UBE2E2: variants seen among roughly 807,000 people sequenced by gnomAD.
The protein encoded by UBE2E2 is ubiquitin conjugating enzyme E2 E2, also known as ubiquitin-conjugating enzyme E2 E2.
A neutral mutation model predicts 24.7 loss-of-function variants in UBE2E2; 6 were observed. The ratio of observed to expected loss-of-function variants is 0.24; its 90% CI spans 0.13 to 0.48. The LOEUF (loss-of-function observed/expected upper bound fraction) is 0.48, where lower values mean the gene tolerates loss of function less well. Ranked by LOEUF, UBE2E2 falls within the 20% of genes least tolerant of loss-of-function variation. The pLI, the probability that UBE2E2 is intolerant of heterozygous loss-of-function variation, is 0.99. For missense variants in UBE2E2, 169 were observed against 245.0 expected (o/e 0.69, Z 2.07); for synonymous variants, 104 against 83.6 (o/e 1.24, Z -1.33).
intron 5 of UBE2E2, among the ~76,000 whole-genome samples, chr3:23,551,181 A>G (rs1018405095): frequency 4.6e-5 from 7 of 152,208 alleles, no homozygotes; most frequent in Admixed American, 1.3e-4. Context: ...ACATTCCATA[A>G]AATATTACCA....
intron 5 of UBE2E2, among the ~76,000 whole-genome samples, chr3:23,574,455 C>T (rs1326349683): frequency 6.6e-6 from 1 of 152,146 alleles, no homozygotes; most frequent in Non-Finnish European, 1.5e-5. Context: ...GATTGTTATA[C>T]ATTGCATTCC....
chr3:23,550,575 G>C (rs943015758), intron 5 of UBE2E2, among the ~76,000 whole-genome samples: 2 of 152,210 alleles, frequency 1.3e-5, no homozygotes, highest in East Asian at 1.9e-4. Flanking sequence ...TAAGATGGGA[G>C]TGAAACTCAA....
chr3:23,378,714 AGT>A (rs1009316204), intron 3 of UBE2E2, among the ~76,000 whole-genome samples: 1 of 152,186 alleles, frequency 6.6e-6, no homozygotes, highest in African/African-American at 2.4e-5. Context: ...TTTTTTAAAA[AGT>A]GTGTTGATTT....
chr3:23,351,911 C>T (rs1340147956), intron 3 of UBE2E2, among the ~76,000 whole-genome samples: 7 of 152,154 alleles, frequency 4.6e-5, no homozygotes, highest in Non-Finnish European at 2.9e-5. Flanking sequence ...GCTCTCCACC[C>T]CAAATCAACA....
chr3:23,295,264 T>C (rs1698879341), intron 3 of UBE2E2, among the ~76,000 whole-genome samples: 1 of 152,238 alleles, frequency 6.6e-6, no homozygotes, highest in Admixed American at 6.5e-5. Flanking sequence ...TTTTCTCCAC[T>C]GCTCTCTGAT....
At chr3:23,284,610 G>C (rs896868655) in intron 3 of UBE2E2, among the ~76,000 whole-genome samples, 4 of 151,896 alleles carry the variant, frequency 2.6e-5, no homozygotes, top group Admixed American at 1.3e-4. Flanking sequence ...TGAGGTGGGG[G>C]ATGATACCTT....
chr3:23,573,114 G>A (rs1461378721), intron 5 of UBE2E2, among the ~76,000 whole-genome samples: 1 of 152,148 alleles, frequency 6.6e-6, no homozygotes, highest in East Asian at 1.9e-4. Flanking sequence ...TAAAGCTATA[G>A]TGATACAAAT....
In UBE2E2 at chr3:23,407,078, A is replaced by T. The variant is rs1697372726; in HGVS notation, c.228-92530A>T. On this transcript the variant is annotated intron_variant, in intron 3 of 5. Transcript: ENST00000396703. The surrounding 1 kb of genome is among the most constrained non-coding windows in gnomAD (Gnocchi z 4.0). ...TTCCCCAGTTCCCCAAGTATTTTGGAGACAAATTTTTCTTCAGCTTCACAT... is the reference window on the plus strand; with the variant it reads ...TTCCCCAGTTCCCCAAGTATTTTGGTGACAAATTTTTCTTCAGCTTCACAT... Among the ~76,000 whole-genome samples the T allele has an allele frequency of 6.6e-6, 1 of 152,226 alleles. No homozygotes were observed. Among genetic ancestry groups the T allele is most frequent in the Admixed American group, 6.5e-5 (1 of 15,290 alleles).
intron 3 of UBE2E2, among the ~76,000 whole-genome samples, chr3:23,235,929 C>T (rs1368660399): frequency 6.6e-6 from 1 of 152,050 alleles, no homozygotes; most frequent in African/African-American, 2.4e-5. Context: ...GTTTGGAGCT[C>T]AGTGGAGAGC....
At chr3:23,344,601 G>A (rs1466971753) in intron 3 of UBE2E2, among the ~76,000 whole-genome samples, 2 of 152,020 alleles carry the variant, frequency 1.3e-5, no homozygotes, top group African/African-American at 4.8e-5. Context: ...AAGTACTGAT[G>A]TTAATGAGAG....
chr3:23,271,718 A>G (rs1238098499), intron 3 of UBE2E2, among the ~76,000 whole-genome samples: 2 of 152,088 alleles, frequency 1.3e-5, no homozygotes, highest in East Asian at 1.9e-4. Context: ...TTAACTAGAC[A>G]CAGAGCACTG....
Position 23,226,478 on chromosome 3 carries a change from T to A in UBE2E2, c.227+9166T>A, listed in dbSNP as rs150193277. Among the ~76,000 whole-genome samples the A allele has an allele frequency of 3.0e-3, 452 of 150,450 alleles. 3 individuals are homozygous for A. The highest frequency in any genetic ancestry group is 0.011 in the African/African-American group (442 of 40,994). On this transcript the variant is annotated intron_variant, in intron 3 of 5. Coordinates refer to ENST00000396703, the MANE Select transcript of UBE2E2 (RefSeq NM_152653.4). ...GAAACTCCTAACATTAAGTAACTTG[T>A]TCAAGGTTGCCTGAGCCTCCCAAAG...
At chr3:23,212,247 T>C (rs1187354683) in intron 2 of UBE2E2, among the ~76,000 whole-genome samples, 1 of 152,198 alleles carries the variant, frequency 6.6e-6, no homozygotes, top group Non-Finnish European at 1.5e-5. Flanking sequence ...GAGGAAAGAT[T>C]ACAGTTACAT....
intron 3 of UBE2E2, among the ~76,000 whole-genome samples, chr3:23,318,608 A>G (rs946128257): frequency 6.6e-6 from 1 of 152,348 alleles, no homozygotes; most frequent in Admixed American, 6.5e-5. Context: ...GGTGGCAGGC[A>G]TGAGAGAAAA....
intron 3 of UBE2E2, among the ~76,000 whole-genome samples, chr3:23,367,820 G>A (rs912293951): frequency 1.3e-5 from 2 of 152,166 alleles, no homozygotes; most frequent in African/African-American, 4.8e-5. Flanking sequence ...TGTGGGATCT[G>A]AAACTACCTC....
intron 3 of UBE2E2, among the ~76,000 whole-genome samples, chr3:23,233,433 A>AG (rs1697022408): frequency 6.6e-6 from 1 of 152,198 alleles, no homozygotes; most frequent in South Asian, 2.1e-4. Flanking sequence ...GCATTTTAAG[A>AG]GGGGGTGAAC....
intron 3 of UBE2E2, among the ~76,000 whole-genome samples, chr3:23,369,566 G>A (rs1055471464): frequency 1.3e-5 from 2 of 152,128 alleles, no homozygotes; most frequent in African/African-American, 4.8e-5. Flanking sequence ...CACTCAGCAT[G>A]TTTCAGAACT....
intron 5 of UBE2E2, among the ~76,000 whole-genome samples, chr3:23,541,232 G>A (rs550105328): frequency 3.3e-5 from 5 of 152,252 alleles, no homozygotes; most frequent in Admixed American, 6.5e-5. Context: ...CATAACAAAT[G>A]GGCAGTTCTC....
chr3:23,334,428 A>G (rs1407626978), intron 3 of UBE2E2, among the ~76,000 whole-genome samples: 1 of 152,144 alleles, frequency 6.6e-6, no homozygotes, highest in African/African-American at 2.4e-5. Flanking sequence ...AACGTCCTAC[A>G]ACTGCGTATT....
Sources: gnomAD v4.1 joint callset for allele counts (sites outside exome capture counted in the v4.1 genomes callset) on GRCh38, gnomAD v4.1.1 for gene constraint, Gnocchi (gnomAD v3.1) non-coding constraint, MANE v1.5 for transcripts, NCBI Gene and HGNC (gene_info 2026-07-23, HGNC 2026-07-21) for gene names.